Variants in LPAR6 observed in about 807,000 individuals in gnomAD.
The protein encoded by LPAR6 is G-protein coupled purinergic receptor P2Y5.
LPAR6 carries 17 observed loss-of-function variants against 22.0 expected under a neutral mutation model. That is an observed-to-expected ratio of 0.77 (90% confidence interval 0.53 to 1.16). The LOEUF (loss-of-function observed/expected upper bound fraction) is 1.16. Among genes scored for constraint, LPAR6 ranks in the 50% most tolerant of loss-of-function variants. LPAR6 has a pLI of 0.00. For synonymous variants in LPAR6, 136 were observed against 139.8 expected (o/e 0.97, Z 0.19); for missense variants, 384 against 406.9 (o/e 0.94, Z 0.48).
At chr13:48,395,915 C>T (rs1275641978) in intron 1 of LPAR6, among the ~76,000 whole-genome samples, 6 of 152,088 alleles carry the variant, frequency 3.9e-5, no homozygotes, top group Non-Finnish European at 8.8e-5. Context: ...AGAGGAACCC[C>T]AGGACATATA....
chr13:48,393,020 C>T (rs1948622764), intron 1 of LPAR6, among the ~76,000 whole-genome samples: 1 of 152,166 alleles, frequency 6.6e-6, no homozygotes, highest in Admixed American at 6.5e-5. Context: ...TTTTCCTTCA[C>T]TATCCAGGCA....
At chr13:48,398,606 T>C (rs1268895477) in intron 1 of LPAR6, among the ~76,000 whole-genome samples, 1 of 152,042 alleles carries the variant, frequency 6.6e-6, no homozygotes, top group Non-Finnish European at 1.5e-5. Flanking sequence ...CAGCTCTCTT[T>C]AAGTAATTTG....
upstream of LPAR6, among the ~76,000 whole-genome samples, chr13:48,430,962 T>A (rs1949124030): frequency 6.6e-6 from 1 of 152,152 alleles, no homozygotes; most frequent in Non-Finnish European, 1.5e-5. Context: ...GTAGAGGCTT[T>A]CTAAGTATTA....
chr13:48,412,148 A>G lies in LPAR6; in HGVS notation c.276T>C (p.Ser92=), dbSNP rs1323909952. Residue 92 remains serine, a synonymous_variant, in exon 1 of 1, where the codon TCT becomes TCC. Transcript: ENST00000620633. The stretch of plus-strand genomic sequence containing the variant: ...ACATGTTGGTATAAAACAGCATCAC[A>G]GAAATCTTACAAAGTAAATCTCCAA... ...WPFGDLLCKI[S]VMLFYTNMYG... The G allele has an allele frequency of 6.2e-7, 1 of 1,614,014 alleles. No homozygotes were observed. Among genetic ancestry groups the G allele is most frequent in the Admixed American group, 1.7e-5 (1 of 60,008 alleles).
At chr13:48,432,950 G>C (rs904524558) in intron 1 of LPAR6, among the ~76,000 whole-genome samples, 1 of 152,044 alleles carries the variant, frequency 6.6e-6, no homozygotes, top group Non-Finnish European at 1.5e-5. Flanking sequence ...TGCTTATATA[G>C]TTGAAATCAG....
Position 48,440,602 on chromosome 13 carries a change from G to C in LPAR6, c.-1474+3951C>G, listed in dbSNP as rs4151572. ...CGATCTGCCTTGCCTTTCTTCTACTGTGTCAAAGAATTTATGATCAAGGGC... is the reference window on the plus strand; with the variant it reads ...CGATCTGCCTTGCCTTTCTTCTACTCTGTCAAAGAATTTATGATCAAGGGC... On this transcript the variant is annotated intron_variant, in intron 1 of 6. Transcript: ENST00000378434. Among the ~76,000 whole-genome samples the C allele has an allele frequency of 3.4e-3, 523 of 152,210 alleles. 12 individuals are homozygous for C. In the East Asian group the frequency reaches 0.046, roughly 14 times the overall value.
chr13:48,409,456 G>T (rs753923401), downstream of LPAR6, among the ~76,000 whole-genome samples: 1 of 151,754 alleles, frequency 6.6e-6, no homozygotes, highest in Non-Finnish European at 1.5e-5. Flanking sequence ...TTGTATTGAG[G>T]ACTTGAAAGA....
rs564482566 is a variant in LPAR6, at chr13:48,441,593, C to T, written c.-1474+2960G>A. The stretch of plus-strand genomic sequence containing the variant: ...CCACCTAGAAGTAGAAGCAGCAAAA[C>T]CCAAAAAACCAATACAATTTTTAAT... On this transcript the variant is annotated intron_variant, in intron 1 of 6. Coordinates refer to the LPAR6 transcript ENST00000378434. 3.4e-4 allele frequency among the ~76,000 whole-genome samples: 52 copies of T among 152,122 alleles called. No homozygotes were observed. The South Asian group carries it at 0.011, about 32-fold the overall frequency.
At position 48,438,205 on chromosome 13, in the gene LPAR6, G is replaced by A. The variant is rs548893923; in HGVS notation, c.-1474+6348C>T. ...GGAAAGAAAAATTTCTGTCTCAAAG[G>A]CTTGTGTGCCAGGTGCCCTTCTAAG... On this transcript the variant is annotated intron_variant, in intron 1 of 6. Transcript: ENST00000378434. Among the ~76,000 whole-genome samples, 3 of 152,190 alleles carry A rather than the reference G, an allele frequency of 2.0e-5. No homozygotes were observed. The South Asian group carries it at 6.2e-4, about 32-fold the overall frequency.
chr13:48,408,368 G>A (rs1197509251), downstream of LPAR6, among the ~76,000 whole-genome samples: 1 of 151,916 alleles, frequency 6.6e-6, no homozygotes, highest in Non-Finnish European at 1.5e-5. Context: ...ATGCTGGAAA[G>A]CCATTTTTCC....
upstream of LPAR6, chr13:48,427,003 C>T: frequency 6.5e-6 from 1 of 152,964 alleles, no homozygotes; most frequent in Non-Finnish European, 1.5e-5. Context: ...AGGAGGAGGT[C>T]CCATGCCCTT....
chr13:48,401,481 C>T (rs1948691193), intron 1 of LPAR6: 1 of 152,116 alleles, frequency 6.6e-6, no homozygotes, highest in Admixed American at 6.5e-5. Flanking sequence ...GGCAATTATG[C>T]TTCAATCATC....
intron 1 of LPAR6, among the ~76,000 whole-genome samples, chr13:48,400,286 C>T (rs1948680638): frequency 6.6e-6 from 1 of 152,078 alleles, no homozygotes; most frequent in African/African-American, 2.4e-5. Flanking sequence ...CTCATAACTT[C>T]TCACAACTCT....
intron 2 of LPAR6, among the ~76,000 whole-genome samples, chr13:48,420,920 T>C (rs997044828): frequency 6.6e-6 from 1 of 152,194 alleles, no homozygotes; most frequent in African/African-American, 2.4e-5. Flanking sequence ...TCCATGTTCA[T>C]GGATAGGAAG....
intron 1 of LPAR6, among the ~76,000 whole-genome samples, chr13:48,443,180 G>A (rs544928147): frequency 8.0e-4 from 121 of 151,324 alleles, no homozygotes; most frequent in African/African-American, 2.8e-3. Context: ...ATAATTTAGC[G>A]AAAGGATTAC....
intron 1 of LPAR6, among the ~76,000 whole-genome samples, chr13:48,405,569 T>G (rs2138187494): frequency 6.6e-6 from 1 of 152,334 alleles, no homozygotes; most frequent in Admixed American, 6.5e-5. Flanking sequence ...ATTTATATAT[T>G]GTCTGTGGCT....
At chr13:48,415,085 T>C (rs553301203), upstream of LPAR6, among the ~76,000 whole-genome samples, 4 of 152,284 alleles carry the variant, frequency 2.6e-5, no homozygotes, top group Admixed American at 2.6e-4. Flanking sequence ...TCATCTTTAA[T>C]TAATGAAATA....
Position 48,433,927 on chromosome 13 carries a change from T to C in LPAR6, c.-1473-9808A>G, listed in dbSNP as rs117275583. On this transcript the variant is annotated intron_variant, in intron 1 of 6. Coordinates refer to the LPAR6 transcript ENST00000378434. ...TTTTTTCAGATAGGGTCTTGCTATG[T>C]TGCCCAGGCTGGTCTTGAACTCCTG... is the stretch of plus-strand genomic sequence containing the variant. Among the ~76,000 whole-genome samples, 384 of 151,984 alleles carry C rather than the reference T, an allele frequency of 2.5e-3. 13 individuals carry two copies. In the East Asian group the frequency reaches 0.066, roughly 26 times the overall value.
chr13:48,400,393 A>C (rs1009563466), intron 1 of LPAR6, among the ~76,000 whole-genome samples: 1 of 152,138 alleles, frequency 6.6e-6, no homozygotes, highest in African/African-American at 2.4e-5. Context: ...AACTCAGGCT[A>C]TCTGGTTCCA....
Sources: gnomAD v4.1 joint callset for allele counts (sites outside exome capture counted in the v4.1 genomes callset) on GRCh38, gnomAD v4.1.1 for gene constraint, MANE v1.5 for transcripts, NCBI Gene and HGNC (gene_info 2026-07-23, HGNC 2026-07-21) for gene names.